Variants in KIF26B observed in about 807,000 individuals in gnomAD.
KIF26B encodes the protein kinesin family member 26B.
Under a neutral mutation model 151.2 loss-of-function variants are expected in KIF26B, and 63 were observed. The observed-to-expected ratio is 0.42, with a 90% CI of 0.34 to 0.51. The LOEUF (loss-of-function observed/expected upper bound fraction) is 0.51. KIF26B is among the 20% of genes least tolerant of loss of function. The pLI is 0.07. For synonymous variants in KIF26B, 1,357 were observed against 1,262.1 expected, an observed-to-expected ratio of 1.08 and a Z score of -1.59; for missense variants, 2,813 against 2,913.6, an observed-to-expected ratio of 0.97 and a Z score of 0.79.
intron 2 of KIF26B, among the ~76,000 whole-genome samples, chr1:245,199,654 G>A (rs982975999): frequency 6.6e-6 from 1 of 151,926 alleles, no homozygotes. Flanking sequence ...AATTCCTTTG[G>A]TATGTTTAAA....
chr1:245,587,653 T>C (rs2043242401), intron 5 of KIF26B, among the ~76,000 whole-genome samples: 1 of 152,162 alleles, frequency 6.6e-6, no homozygotes, highest in Non-Finnish European at 1.5e-5. Flanking sequence ...AATACAAAAG[T>C]GTAGTTTGTA....
At chr1:245,267,856 G>C (rs1235082444) in intron 2 of KIF26B, among the ~76,000 whole-genome samples, 2 of 152,148 alleles carry the variant, frequency 1.3e-5, no homozygotes, top group African/African-American at 4.8e-5. Flanking sequence ...GATATTTTTA[G>C]GGAGCTTTAA....
At chr1:245,534,538 A>C (rs905940063) in intron 4 of KIF26B, among the ~76,000 whole-genome samples, 1 of 152,186 alleles carries the variant, frequency 6.6e-6, no homozygotes, top group Non-Finnish European at 1.5e-5. Flanking sequence ...GAAATAAGGC[A>C]CAGATAATTA....
rs543766882 is a variant in KIF26B at position 245,532,218 on chromosome 1, T to TTTTTCTTTTCTTTTC, written c.1167-8529_1167-8515dup. 4.4e-3 allele frequency among the ~76,000 whole-genome samples: 641 copies of TTTTTCTTTTCTTTTC among 145,184 alleles called. 13 individuals are homozygous for TTTTTCTTTTCTTTTC. Among genetic ancestry groups the TTTTTCTTTTCTTTTC allele is most frequent in the African/African-American group, 0.017 (618 of 37,432 alleles). On this transcript the variant is annotated intron_variant, in intron 4 of 14. Coordinates refer to ENST00000407071, the MANE Select transcript of KIF26B (RefSeq NM_018012.4). ...AGTCCTTGAAGCATAGGAAAATTCT[T>TTTTTCTTTTCTTTTC]TTTTCTTTTCTTTTCTTTTCTTTTC...
intron 4 of KIF26B, among the ~76,000 whole-genome samples, chr1:245,513,711 T>TTTAC (rs1660887044): frequency 2.0e-5 from 3 of 152,180 alleles, no homozygotes; most frequent in Admixed American, 2.0e-4. Context: ...GCCCAAGAAA[T>TTTAC]GTTGTAAAAA....
chr1:245,161,840 C>T (rs552601588), intron 2 of KIF26B, among the ~76,000 whole-genome samples: 130 of 152,144 alleles, frequency 8.5e-4, no homozygotes, highest in Non-Finnish European at 1.4e-3. Context: ...TGAGAGGCAC[C>T]GGCTCGAGAT....
chr1:245,427,408 C>T (rs1418309767), intron 4 of KIF26B, among the ~76,000 whole-genome samples: 3 of 152,094 alleles, frequency 2.0e-5, no homozygotes, highest in Non-Finnish European at 4.4e-5. Context: ...CGGGAGTTTG[C>T]GACCAGCTTG....
Position 245,488,971 on chromosome 1 carries a change from C to T in KIF26B, c.1167-51796C>T, listed in dbSNP as rs1168333893. Among the ~76,000 whole-genome samples, 2 of 152,174 alleles carry T rather than the reference C, an allele frequency of 1.3e-5. No individual in the cohort carries two copies. Among genetic ancestry groups the T allele is most frequent in the Non-Finnish European group, 1.5e-5 (1 of 68,038 alleles). On this transcript the variant is annotated intron_variant, in intron 4 of 14. Transcript: ENST00000407071. The surrounding 1 kb of genome is among the most constrained non-coding windows in gnomAD (Gnocchi z 4.6). The stretch of plus-strand genomic sequence containing the variant: ...CTCTTTTATTTGCAAATGTCCTGCA[C>T]CCTCCATCTCAGAGAACTCTCTAGG...
At chr1:245,283,663 TC>T (rs1671106643) in intron 2 of KIF26B, among the ~76,000 whole-genome samples, 1 of 151,512 alleles carries the variant, frequency 6.6e-6, no homozygotes, top group South Asian at 2.1e-4. Flanking sequence ...AAAAAGAACA[TC>T]CATTTACCCT....
At chr1:245,228,364 C>G (rs544261259) in intron 2 of KIF26B, among the ~76,000 whole-genome samples, 1 of 152,016 alleles carries the variant, frequency 6.6e-6, no homozygotes, top group Non-Finnish European at 1.5e-5. Flanking sequence ...GTCGGGAGTT[C>G]GAGACCAGCC....
intron 9 of KIF26B, among the ~76,000 whole-genome samples, chr1:245,641,115 AT>A (rs147170303): frequency 6.1e-5 from 9 of 148,630 alleles, no homozygotes; most frequent in East Asian, 3.9e-4. Context: ...CTTGGGGAAC[AT>A]TTTTTTTTTC....
chr1:245,395,173 A>G (rs1673803513), intron 3 of KIF26B, among the ~76,000 whole-genome samples: 1 of 152,206 alleles, frequency 6.6e-6, no homozygotes. Flanking sequence ...ATGTAATACT[A>G]GGTTCAAATG....
chr1:245,547,909 G>A (rs1341758599), intron 5 of KIF26B, among the ~76,000 whole-genome samples: 1 of 152,156 alleles, frequency 6.6e-6, no homozygotes, highest in African/African-American at 2.4e-5. Flanking sequence ...TATATACCAG[G>A]TCTGTTCTTG....
intron 2 of KIF26B, among the ~76,000 whole-genome samples, chr1:245,192,580 A>G (rs1669128257): frequency 6.6e-6 from 1 of 152,244 alleles, no homozygotes; most frequent in South Asian, 2.1e-4. Context: ...CTCCTGCTAA[A>G]TGATCATCTA....
At chr1:245,169,328 G>GGTGTGTGGGTGTGGGTGT (rs56332945) in intron 2 of KIF26B, among the ~76,000 whole-genome samples, 5 of 134,178 alleles carry the variant, frequency 3.7e-5, no homozygotes, top group East Asian at 2.5e-4. Flanking sequence ...AACGGGCCAT[G>GGTGTGTGGGTGTGGGTGT]GTGTGTGTGT....
At chr1:245,421,071 T>G (rs1440993045) in intron 4 of KIF26B, among the ~76,000 whole-genome samples, 2 of 152,186 alleles carry the variant, frequency 1.3e-5, no homozygotes, top group African/African-American at 4.8e-5. Context: ...CACCCAACAA[T>G]GGGGACCATT....
intron 5 of KIF26B, among the ~76,000 whole-genome samples, chr1:245,570,237 G>C (rs1158110236): frequency 1.3e-5 from 2 of 152,118 alleles, no homozygotes; most frequent in East Asian, 1.9e-4. Flanking sequence ...TGCCTGGCCT[G>C]AGAAAAATAT....
intron 4 of KIF26B, among the ~76,000 whole-genome samples, chr1:245,465,737 C>T (rs1251697295): frequency 6.6e-6 from 1 of 152,146 alleles, no homozygotes; most frequent in Admixed American, 6.5e-5. Context: ...AGCCGTGGTG[C>T]GCAGTGCTCC....
At chr1:245,387,574 T>C (rs1673582411) in intron 3 of KIF26B, among the ~76,000 whole-genome samples, 1 of 152,150 alleles carries the variant, frequency 6.6e-6, no homozygotes, top group Admixed American at 6.5e-5. Flanking sequence ...ATGCCTGTGG[T>C]CCCAGTGCTT....
Sources: allele counts gnomAD v4.1 joint callset (sites outside exome capture counted in the v4.1 genomes callset), GRCh38; gene constraint gnomAD v4.1.1; non-coding constraint Gnocchi (gnomAD v3.1); transcripts MANE v1.5; gene names NCBI Gene and HGNC (gene_info 2026-07-23, HGNC 2026-07-21).